Variants in EIF3H observed in about 807,000 individuals in gnomAD.
EIF3H encodes the protein eukaryotic translation initiation factor 3 subunit H.
A neutral mutation model predicts 44.2 loss-of-function variants in EIF3H; 26 were observed. The observed-to-expected ratio is 0.59, with a 90% CI of 0.43 to 0.82. The LOEUF is 0.82. EIF3H is among the 40% of genes least tolerant of loss of function. The probability of loss-of-function intolerance (pLI) is 0.00; values close to 1 mark genes in which losing one functional copy is unlikely to be tolerated. For missense variants in EIF3H, 359 were observed against 432.8 expected, an observed-to-expected ratio of 0.83 and a Z score of 1.51; for synonymous variants, 166 against 151.9, an observed-to-expected ratio of 1.09 and a Z score of -0.68.
At position 116,717,348 on chromosome 8, in the gene EIF3H, C is replaced by T. The variant is rs566320768; in HGVS notation, c.289+8668G>A. 1.7e-3 allele frequency among the ~76,000 whole-genome samples: 264 copies of T among 152,200 alleles called. 2 individuals carry two copies. Among genetic ancestry groups the T allele is most frequent in the East Asian group, 7.7e-4 (4 of 5,188 alleles). ...CCAAAAGCAATCTACAAATTCAATG[C>T]AATCCCCATCAAAATACCACCATCA... On this transcript the variant is annotated intron_variant, in intron 2 of 7. Coordinates refer to ENST00000521861, the MANE Select transcript of EIF3H (RefSeq NM_003756.3).
rs1200483863 is a variant in EIF3H at position 116,673,008 on chromosome 8, C to CAA, written c.290-14030_290-14029dup. Among the ~76,000 whole-genome samples the CAA allele has an allele frequency of 9.7e-3, 1,011 of 103,886 alleles. 8 individuals carry two copies. Among genetic ancestry groups the CAA allele is most frequent in the African/African-American group, 0.026 (815 of 30,808 alleles). 68.2% of individuals were successfully genotyped at this position (103,886 alleles called of 152,430 possible). Reference sequence around the variant, plus strand: ...ATAACTTAAAGTTTTAATAAAATTACAAAAAAAAAAAAAAAACACCACAAA... The same window carrying CAA: ...ATAACTTAAAGTTTTAATAAAATTACAAAAAAAAAAAAAAAAAACACCACAAA... On this transcript the variant is annotated intron_variant, in intron 2 of 7. Transcript: ENST00000521861.
chr8:116,651,633 A>G (rs755189789), intron 5 of EIF3H, among the ~76,000 whole-genome samples: 4 of 152,164 alleles, frequency 2.6e-5, no homozygotes, highest in Non-Finnish European at 5.9e-5. Flanking sequence ...TGCTTCTTTC[A>G]TATTTATTTT....
intron 2 of EIF3H, among the ~76,000 whole-genome samples, chr8:116,683,784 A>G (rs866039292): frequency 6.6e-6 from 1 of 152,258 alleles, no homozygotes; most frequent in African/African-American, 2.4e-5. Context: ...TATTTTATAA[A>G]TGCTAAAGGT....
At chr8:116,693,528 GAAGT>G (rs1173905508) in intron 2 of EIF3H, among the ~76,000 whole-genome samples, 15 of 152,180 alleles carry the variant, frequency 9.9e-5, no homozygotes, top group South Asian at 2.1e-4. Context: ...CACCATGCTG[GAAGT>G]AAGAATGATA....
intron 2 of EIF3H, among the ~76,000 whole-genome samples, chr8:116,693,453 T>C (rs1488426367): frequency 6.6e-6 from 1 of 152,154 alleles, no homozygotes; most frequent in East Asian, 1.9e-4. Context: ...CATTGATAAG[T>C]AGAAGTTAAA....
At chr8:116,682,121 A>T (rs4344109) in intron 2 of EIF3H, among the ~76,000 whole-genome samples, 67,305 of 152,098 alleles carry the variant, frequency 0.44, 18,742 homozygotes, top group Non-Finnish European at 0.62. Context: ...AGAAATGTCC[A>T]TTATACTCAA....
Position 116,643,075 on chromosome 8 carries a change from G to A in EIF3H, c.*1931C>T, listed in dbSNP as rs1393834317. On this transcript the variant is annotated 3_prime_UTR_variant, in exon 8 of 8. Coordinates refer to ENST00000521861, the MANE Select transcript of EIF3H (RefSeq NM_003756.3). Reference sequence around the variant, plus strand: ...TTATTTTGCTCGCTTGCTACTTTAAGGGTGCTTTGTTTAACTCCACAATAA... The same window carrying A: ...TTATTTTGCTCGCTTGCTACTTTAAAGGTGCTTTGTTTAACTCCACAATAA... 1 of 152,182 alleles carries A rather than the reference G, an allele frequency of 6.6e-6. No homozygotes were observed. The highest frequency in any genetic ancestry group is 1.5e-5 in the Non-Finnish European group (1 of 68,028). The allele number at this position is 152,182 out of a possible 1,614,324, so 9.4% of individuals were successfully genotyped here. A position where few individuals can be genotyped will look rare whatever the true frequency, so the allele number is the denominator to read the frequency against.
Position 116,643,238 on chromosome 8 carries a change from A to T in EIF3H, c.*1768T>A, listed in dbSNP as rs1164370764. The stretch of plus-strand genomic sequence containing the variant: ...CACAGTCACACTCAAATTTGTGTTG[A>T]CTCCAATTTAAGGTTATCACTATGG... On this transcript the variant is annotated 3_prime_UTR_variant, in exon 8 of 8. Coordinates refer to ENST00000521861, the MANE Select transcript of EIF3H (RefSeq NM_003756.3). The T allele has an allele frequency of 6.6e-6, 1 of 151,424 alleles. No homozygotes were observed. Among genetic ancestry groups the T allele is most frequent in the East Asian group, 1.9e-4 (1 of 5,192 alleles). 9.4% of individuals were successfully genotyped at this position (151,424 alleles called of 1,614,324 possible). A position where few individuals can be genotyped will look rare whatever the true frequency, so the allele number is the denominator to read the frequency against.
chr8:116,651,282 G>A (rs941492059), intron 5 of EIF3H, among the ~76,000 whole-genome samples: 3 of 152,314 alleles, frequency 2.0e-5, no homozygotes, highest in Admixed American at 2.0e-4. Flanking sequence ...AGATTCTGGA[G>A]GCAGAGCAGG....
At chr8:116,753,431 G>A (rs913140308) in intron 1 of EIF3H, among the ~76,000 whole-genome samples, 4 of 152,194 alleles carry the variant, frequency 2.6e-5, no homozygotes, top group Middle Eastern at 3.4e-3. Flanking sequence ...AGGTGCTTTG[G>A]TAATCAAAAG....
At chr8:116,695,387 T>C (rs1041567233) in intron 2 of EIF3H, among the ~76,000 whole-genome samples, 13 of 152,178 alleles carry the variant, frequency 8.5e-5, no homozygotes, top group Admixed American at 2.0e-4. Flanking sequence ...TGAATTCTTA[T>C]GCATAACTTG....
At chr8:116,692,019 T>TAGTGAG (rs750225750) in intron 2 of EIF3H, among the ~76,000 whole-genome samples, 26,122 of 152,168 alleles carry the variant, frequency 0.17, 3,314 homozygotes, top group African/African-American at 0.36. Context: ...CAAACTTCCC[T>TAGTGAG]CTTCCCAAAT....
chr8:116,719,482 A>C (rs1814709402), intron 2 of EIF3H, among the ~76,000 whole-genome samples: 1 of 152,174 alleles, frequency 6.6e-6, no homozygotes, highest in South Asian at 2.1e-4. Flanking sequence ...TAATATGGGA[A>C]AATGTTTGAA....
At chr8:116,759,310 T>G (rs1328259898), upstream of EIF3H, among the ~76,000 whole-genome samples, 4 of 152,224 alleles carry the variant, frequency 2.6e-5, no homozygotes, top group African/African-American at 4.8e-5. Flanking sequence ...CTGTGGGCGC[T>G]GCCCATGTGT....
intron 5 of EIF3H, among the ~76,000 whole-genome samples, chr8:116,650,645 A>G (rs967149253): frequency 2.0e-5 from 3 of 152,300 alleles, no homozygotes; most frequent in African/African-American, 7.2e-5. Flanking sequence ...GAAGGTAGAC[A>G]CAAAAGGCTG....
chr8:116,744,347 G>A (rs1322054440), intron 1 of EIF3H, among the ~76,000 whole-genome samples: 1 of 152,026 alleles, frequency 6.6e-6, no homozygotes, highest in Non-Finnish European at 1.5e-5. Flanking sequence ...GATGTTTAAA[G>A]GGTCAAAGAC....
chr8:116,665,728 G>C (rs1270997974), intron 2 of EIF3H, among the ~76,000 whole-genome samples: 1 of 152,180 alleles, frequency 6.6e-6, no homozygotes. Context: ...TGAGCACTAG[G>C]CTGTGAACAG....
At chr8:116,695,463 C>T (rs1814254055) in intron 2 of EIF3H, among the ~76,000 whole-genome samples, 1 of 152,130 alleles carries the variant, frequency 6.6e-6, no homozygotes, top group Non-Finnish European at 1.5e-5. Context: ...AATGCAATGG[C>T]TCAGAGCAGT....
At position 116,726,139 on chromosome 8, in the gene EIF3H, C is replaced by T. The variant is rs1482734665; in HGVS notation, c.166G>A (p.Glu56Lys). The change falls in exon 2 of 8, where the codon GAA becomes AAA. Residue 56 changes from glutamate to lysine, a missense_variant. Around this residue, in one of 5 missense-constraint regions of EIF3H, gnomAD observed 91 missense variants for 164.6 expected, o/e 0.55. Coordinates refer to ENST00000521861, the MANE Select transcript of EIF3H (RefSeq NM_003756.3). ...TGAACAACTTCAGTTCCTTGTCCTT[C>T]TTCTTGATAATGTTTGATTATCTTT... is the stretch of plus-strand genomic sequence containing the variant. ...VLKIIKHYQE[E>K]GQGTEVVQGV... The T allele has an allele frequency of 6.2e-7, 1 of 1,613,978 alleles. No individual in the cohort carries two copies. The highest frequency in any genetic ancestry group is 8.5e-7 in the Non-Finnish European group (1 of 1,179,888).
Sources: gnomAD v4.1 joint callset for allele counts (sites outside exome capture counted in the v4.1 genomes callset) on GRCh38, gnomAD v4.1.1 for gene constraint, gnomAD v4.1.1 regional missense constraint, MANE v1.5 for transcripts, NCBI Gene and HGNC (gene_info 2026-07-23, HGNC 2026-07-21) for gene names.